The following SPACA7 variants were observed in gnomAD, a reference collection of about 807,000 sequenced individuals.
SPACA7 encodes the protein sperm acrosome associated 7, also known as sperm acrosome-associated protein 7.
In SPACA7, 19 loss-of-function variants were observed where a neutral mutation model predicts 26.3. The ratio of observed to expected loss-of-function variants is 0.72; its 90% CI spans 0.50 to 1.06. SPACA7 has a LOEUF of 1.06. Among genes scored for constraint, SPACA7 ranks in the 50% least tolerant of loss-of-function variants. The pLI is 0.00. For missense variants in SPACA7, 211 were observed against 229.9 expected (o/e 0.92, Z 0.53); for synonymous variants, 84 against 84.5 (o/e 0.99, Z 0.04).
At chr13:112,383,561 T>G (rs1301548199) in intron 1 of SPACA7, among the ~76,000 whole-genome samples, 2 of 152,234 alleles carry the variant, frequency 1.3e-5, no homozygotes, top group Non-Finnish European at 2.9e-5. Flanking sequence ...TAAGACTTTT[T>G]AAAAGCCGAG....
chr13:112,416,245 C>T (rs1428636344), intron 5 of SPACA7, among the ~76,000 whole-genome samples: 2 of 151,388 alleles, frequency 1.3e-5, no homozygotes, highest in Non-Finnish European at 2.9e-5. Flanking sequence ...TAATATTTAG[C>T]TATCTTGCTC....
At chr13:112,432,053 C>T (rs564590547) in intron 5 of SPACA7, among the ~76,000 whole-genome samples, 9 of 152,214 alleles carry the variant, frequency 5.9e-5, no homozygotes, top group African/African-American at 1.2e-4. Flanking sequence ...CCAAGGACCA[C>T]GGCTCAAGTG....
At chr13:112,383,917 A>G (rs1884369943) in intron 1 of SPACA7, among the ~76,000 whole-genome samples, 1 of 152,250 alleles carries the variant, frequency 6.6e-6, no homozygotes, top group Non-Finnish European at 1.5e-5. Flanking sequence ...AATTGAGAAT[A>G]CTTAGAAATA....
intron 5 of SPACA7, among the ~76,000 whole-genome samples, chr13:112,411,138 T>TC: frequency 6.6e-6 from 1 of 151,490 alleles, no homozygotes; most frequent in East Asian, 1.9e-4. Context: ...GCTATGTTTT[T>TC]TTTAGGAAGT....
intron 5 of SPACA7, among the ~76,000 whole-genome samples, chr13:112,407,476 C>T (rs1026824663): frequency 2.0e-5 from 3 of 151,892 alleles, no homozygotes; most frequent in African/African-American, 7.3e-5. Flanking sequence ...TCTAGCAAGA[C>T]TGATAAAGAA....
chr13:112,399,975 G>A (rs1885530855), intron 4 of SPACA7, among the ~76,000 whole-genome samples: 1 of 152,134 alleles, frequency 6.6e-6, no homozygotes, highest in Non-Finnish European at 1.5e-5. Flanking sequence ...ACTATCATGA[G>A]AACAGCAAGG....
chr13:112,390,217 C>A (rs762163271), intron 1 of SPACA7, among the ~76,000 whole-genome samples: 14 of 152,074 alleles, frequency 9.2e-5, no homozygotes, highest in Non-Finnish European at 1.9e-4. Context: ...GAGAAGAGAA[C>A]TCGAGTGCAG....
chr13:112,410,376 T>A (rs1406026503), intron 5 of SPACA7, among the ~76,000 whole-genome samples: 1 of 151,866 alleles, frequency 6.6e-6, no homozygotes, highest in African/African-American at 2.4e-5. Flanking sequence ...TAAAAAAATA[T>A]ATATATATAT....
chr13:112,433,189 G>A (rs1363075202), intron 6 of SPACA7, among the ~76,000 whole-genome samples: 5 of 147,374 alleles, frequency 3.4e-5, no homozygotes, highest in Non-Finnish European at 7.5e-5. Context: ...GCCCGTCCAC[G>A]CAGCCTGAGA....
intron 2 of SPACA7, 33 bp downstream of exon 2, chr13:112,393,110 G>A (rs1291844097): frequency 1.9e-6 from 3 of 1,577,694 alleles, no homozygotes; most frequent in Non-Finnish European, 2.6e-6. Context: ...CCTCTGGCCT[G>A]TACGTGAAGA....
intron 1 of SPACA7, among the ~76,000 whole-genome samples, chr13:112,391,597 G>T (rs1055628167): frequency 3.3e-5 from 5 of 152,192 alleles, no homozygotes; most frequent in Admixed American, 6.5e-5. Flanking sequence ...AAACCGTGAG[G>T]CTGAAGTCAG....
rs551241102 is a variant in SPACA7, at chr13:112,411,654, A to AT, written c.445+10498dup. Reference sequence around the variant, plus strand: ...TTGCACTCTCTACCTCCATGAGATCATTTTTTTTAGCTCCAACATATGAGT... The same window carrying AT: ...TTGCACTCTCTACCTCCATGAGATCATTTTTTTTTAGCTCCAACATATGAGT... On this transcript the variant is annotated intron_variant, in intron 5 of 6. Transcript: ENST00000283550. Among the ~76,000 whole-genome samples the AT allele has an allele frequency of 3.0e-4, 45 of 151,764 alleles. No individual in the cohort carries two copies. In the South Asian group the frequency reaches 6.2e-3, roughly 21 times the overall value.
intron 1 of SPACA7, among the ~76,000 whole-genome samples, chr13:112,381,713 T>TGG (rs1271617411): frequency 6.6e-6 from 1 of 152,074 alleles, no homozygotes. Flanking sequence ...ACTTTGTGGG[T>TGG]GGAGGGAAGC....
intron 1 of SPACA7, among the ~76,000 whole-genome samples, chr13:112,383,219 G>GAAGAAAGAAAGAAGGAAGA (rs35275744): frequency 6.9e-6 from 1 of 145,900 alleles, no homozygotes; most frequent in African/African-American, 2.5e-5. Flanking sequence ...AGGAAAGAAG[G>GAAGAAAGAAAGAAGGAAGA]AAGAAAGAAA....
chr13:112,431,604 TGA>T (rs1370934867), intron 5 of SPACA7, among the ~76,000 whole-genome samples: 1 of 152,198 alleles, frequency 6.6e-6, no homozygotes, highest in East Asian at 1.9e-4. Flanking sequence ...GAAATGAGAC[TGA>T]GGGGTCAGGC....
intron 2 of SPACA7, among the ~76,000 whole-genome samples, chr13:112,397,543 G>A (rs1371840945): frequency 1.3e-5 from 2 of 152,160 alleles, no homozygotes; most frequent in African/African-American, 4.8e-5. Flanking sequence ...ATTCTGGTGG[G>A]AGCAGAGCCC....
In SPACA7 at chr13:112,409,593, C is replaced by CA. The variant is rs570760403; in HGVS notation, c.445+8430dup. Among the ~76,000 whole-genome samples, 195 of 152,234 alleles carry CA rather than the reference C, an allele frequency of 1.3e-3. 1 individual carries two copies. Among genetic ancestry groups the CA allele is most frequent in the Admixed American group, 0.01 (157 of 15,264 alleles). On this transcript the variant is annotated intron_variant, in intron 5 of 6. Transcript: ENST00000283550. ...CACTTCTCAAAAGAAGACATTTATGCAGCCAACAAAAACATGAAAAAATGC... is the reference window on the plus strand; with the variant it reads ...CACTTCTCAAAAGAAGACATTTATGCAAGCCAACAAAAACATGAAAAAATGC...
At chr13:112,402,369 T>C (rs1594282033) in intron 5 of SPACA7, among the ~76,000 whole-genome samples, 3 of 151,044 alleles carry the variant, frequency 2.0e-5, no homozygotes, top group Admixed American at 2.0e-4. Flanking sequence ...TTGATTTCTA[T>C]AGGTTAATTT....
chr13:112,384,710 C>T (rs555747593), intron 1 of SPACA7, among the ~76,000 whole-genome samples: 23 of 152,242 alleles, frequency 1.5e-4, no homozygotes, highest in African/African-American at 5.1e-4. Flanking sequence ...TGATAGAGGA[C>T]ACTTAGCTTT....
Sources: gnomAD v4.1 joint callset for allele counts (sites outside exome capture counted in the v4.1 genomes callset) on GRCh38, gnomAD v4.1.1 for gene constraint, MANE v1.5 for transcripts, NCBI Gene and HGNC (gene_info 2026-07-23, HGNC 2026-07-21) for gene names.